The following GRM7 variants were observed in gnomAD, a reference collection of about 807,000 sequenced individuals.
GRM7 encodes the protein glutamate metabotropic receptor 7.
GRM7 carries 35 observed loss-of-function variants against 84.5 expected under a neutral mutation model. That is an observed-to-expected ratio of 0.41 (90% confidence interval 0.32 to 0.55). GRM7 has a LOEUF of 0.55. Among genes scored for constraint, GRM7 ranks in the 20% least tolerant of loss-of-function variants. The probability of loss-of-function intolerance (pLI) is 0.19; values close to 1 mark genes in which losing one functional copy is unlikely to be tolerated. For missense variants in GRM7, 1,003 were observed against 1,194.6 expected (o/e 0.84, Z 2.36); for synonymous variants, 487 against 455.1 (o/e 1.07, Z -0.89).
chr3:7,010,088 A>T (rs1695316668), intron 1 of GRM7, among the ~76,000 whole-genome samples: 1 of 152,190 alleles, frequency 6.6e-6, no homozygotes, highest in South Asian at 2.1e-4. Flanking sequence ...GCTAAGGAGC[A>T]GGGTGTGGGC....
chr3:7,497,934 C>T (rs1242016943), intron 7 of GRM7, among the ~76,000 whole-genome samples: 1 of 152,156 alleles, frequency 6.6e-6, no homozygotes. Flanking sequence ...ATATTACTAA[C>T]AATCAATAAT....
chr3:7,069,234 G>A (rs934863619), intron 1 of GRM7, among the ~76,000 whole-genome samples: 8 of 151,918 alleles, frequency 5.3e-5, no homozygotes, highest in Non-Finnish European at 8.8e-5. Flanking sequence ...AAGATTGTTC[G>A]CACTGCTAGG....
At chr3:7,611,736 G>A (rs1270193316) in intron 8 of GRM7, among the ~76,000 whole-genome samples, 3 of 152,094 alleles carry the variant, frequency 2.0e-5, no homozygotes, top group Non-Finnish European at 1.5e-5. Flanking sequence ...GCCCCACCCA[G>A]ACCTACCAGA....
intron 1 of GRM7, among the ~76,000 whole-genome samples, chr3:7,124,272 G>C (rs1333022576): frequency 6.6e-6 from 1 of 152,200 alleles, no homozygotes; most frequent in Non-Finnish European, 1.5e-5. Context: ...AAGTTCAAAT[G>C]TGGAGCATAG....
chr3:7,377,882 G>T (rs1176781452), intron 4 of GRM7, among the ~76,000 whole-genome samples: 1 of 152,138 alleles, frequency 6.6e-6, no homozygotes, highest in Non-Finnish European at 1.5e-5. Context: ...ACTAATCAGT[G>T]CTAAAAAGCC....
chr3:6,964,092 G>T (rs183285055), intron 1 of GRM7, among the ~76,000 whole-genome samples: 1 of 152,278 alleles, frequency 6.6e-6, no homozygotes, highest in East Asian at 1.9e-4. Context: ...TTATTTTGAA[G>T]ATCAGCAATA....
At chr3:7,191,430 A>G (rs573176448) in intron 2 of GRM7, among the ~76,000 whole-genome samples, 1 of 152,164 alleles carries the variant, frequency 6.6e-6, no homozygotes, top group Non-Finnish European at 1.5e-5. Context: ...ATGCTAAACA[A>G]ATGAAGGCTT....
intron 8 of GRM7, among the ~76,000 whole-genome samples, chr3:7,587,010 G>A (rs898357649): frequency 1.3e-5 from 2 of 152,168 alleles, no homozygotes; most frequent in Non-Finnish European, 2.9e-5. Context: ...GAATTACAAC[G>A]AGGCATGAGA....
At chr3:7,492,116 A>G (rs1012439549) in intron 7 of GRM7, among the ~76,000 whole-genome samples, 5 of 152,162 alleles carry the variant, frequency 3.3e-5, no homozygotes, top group Non-Finnish European at 7.3e-5. Flanking sequence ...ATTTACAAAT[A>G]TGCGCTGAGG....
intron 1 of GRM7, among the ~76,000 whole-genome samples, chr3:6,925,901 G>T (rs1295559297): frequency 6.6e-6 from 1 of 152,126 alleles, no homozygotes; most frequent in Non-Finnish European, 1.5e-5. Context: ...ATATTGTAGT[G>T]TTTTTCCTAT....
At chr3:6,952,571 C>T (rs371555897) in intron 1 of GRM7, among the ~76,000 whole-genome samples, 36 of 152,112 alleles carry the variant, frequency 2.4e-4, no homozygotes, top group African/African-American at 7.5e-4. Flanking sequence ...GCATTTTGGC[C>T]TAAAATCTCT....
At chr3:7,063,267 A>C (rs1477842211) in intron 1 of GRM7, among the ~76,000 whole-genome samples, 1 of 151,774 alleles carries the variant, frequency 6.6e-6, no homozygotes, top group Non-Finnish European at 1.5e-5. Context: ...TTGGTATACA[A>C]GGCTTCAGTG....
chr3:7,414,899 TC>T, intron 4 of GRM7, 123 bp from the exon 5 acceptor site: 6 of 637,058 alleles, frequency 9.4e-6, no homozygotes, highest in South Asian at 2.8e-5. Context: ...TTTTTTTTTT[TC>T]GGTCGACACA....
chr3:7,406,198 C>G (rs1695668291), intron 4 of GRM7, among the ~76,000 whole-genome samples: 1 of 151,966 alleles, frequency 6.6e-6, no homozygotes, highest in African/African-American at 2.4e-5. Context: ...TCTTTAATAA[C>G]TACTTTTAAA....
At chr3:6,894,380 C>A (rs558101220) in intron 1 of GRM7, among the ~76,000 whole-genome samples, 1 of 152,038 alleles carries the variant, frequency 6.6e-6, no homozygotes, top group Non-Finnish European at 1.5e-5. Context: ...ATAATGAAAG[C>A]AAATCCCACT....
At chr3:7,331,316 G>A (rs1217327175) in intron 4 of GRM7, among the ~76,000 whole-genome samples, 6 of 152,184 alleles carry the variant, frequency 3.9e-5, no homozygotes, top group Non-Finnish European at 5.9e-5. Context: ...GTGTCATGAT[G>A]GAGAAGGAAC....
intron 4 of GRM7, among the ~76,000 whole-genome samples, chr3:7,342,717 G>T (rs554675142): frequency 6.6e-6 from 1 of 152,112 alleles, no homozygotes; most frequent in Non-Finnish European, 1.5e-5. Context: ...TTTCTAAAGC[G>T]TTTCTAGGTG....
At chr3:7,320,567 GAGA>G (rs1052110880) in intron 4 of GRM7, among the ~76,000 whole-genome samples, 2 of 151,868 alleles carry the variant, frequency 1.3e-5, no homozygotes, top group Non-Finnish European at 2.9e-5. Context: ...ACATGCTTCA[GAGA>G]AGAAGAACAG....
intron 4 of GRM7, among the ~76,000 whole-genome samples, chr3:7,381,552 C>T (rs558744948): frequency 2.6e-5 from 4 of 152,084 alleles, no homozygotes; most frequent in Middle Eastern, 3.4e-3. Context: ...AAATATGATA[C>T]ATCAGTTGGT....
Sources: gnomAD v4.1 joint callset for allele counts (sites outside exome capture counted in the v4.1 genomes callset) on GRCh38, gnomAD v4.1.1 for gene constraint, MANE v1.5 for transcripts, NCBI Gene and HGNC (gene_info 2026-07-23, HGNC 2026-07-21) for gene names.